The following AR variants were observed in gnomAD, a reference collection of about 807,000 sequenced individuals.
AR encodes androgen receptor.
Under a neutral mutation model 53.9 loss-of-function variants are expected in AR, and 8 were observed. The ratio of observed to expected loss-of-function variants is 0.15; its 90% CI spans 0.09 to 0.27. The LOEUF is 0.27. AR is among the 10% of genes least tolerant of loss of function. The pLI, the probability that AR is intolerant of heterozygous loss-of-function variation, is 1.00. For missense variants in AR, 639 were observed against 742.5 expected, an observed-to-expected ratio of 0.86 and a Z score of 1.62; for synonymous variants, 359 against 316.4, an observed-to-expected ratio of 1.13 and a Z score of -1.43.
At chrX:67,562,356 ATGTGTGTGTGTGTG>A (rs756124629) in intron 1 of AR, among the ~76,000 whole-genome samples, 1 of 95,028 alleles carries the variant, frequency 1.1e-5, no homozygotes, top group Non-Finnish European at 2.1e-5. Context: ...TATGGTGTAT[ATGTGTGTGTGTGTG>A]TGTGTGTGTG....
chrX:67,632,411 G>A (rs749345612), intron 1 of AR, among the ~76,000 whole-genome samples: 10 of 112,176 alleles, frequency 8.9e-5, no homozygotes, highest in South Asian at 7.5e-4. Context: ...TCCAGGTGCC[G>A]TCTGTCACCC....
chrX:67,608,697 A>G (rs1923742486), intron 1 of AR, among the ~76,000 whole-genome samples: 1 of 112,096 alleles, frequency 8.9e-6, no homozygotes, highest in African/African-American at 3.2e-5. Context: ...CAAGTAAAAC[A>G]TATCACTAGT....
rs2147524944 is a variant in AR at position 67,711,595 on chromosome X, C to T, written c.2079C>T (p.Asn693=). The change falls in exon 4 of 8, where the codon AAC becomes AAT. Residue 693 remains asparagine (N), a synonymous_variant. Transcript: ENST00000374690. The stretch of plus-strand genomic sequence containing the variant: ...TAGTGTGTGCTGGACACGACAACAA[C>T]CAGCCCGACTCCTTTGCAGCCTTGC... ...PGVVCAGHDN[N]QPDSFAALLS... The T allele has an allele frequency of 8.3e-7, 1 of 1,211,500 alleles. No homozygotes were observed. Among genetic ancestry groups the T allele is most frequent in the Non-Finnish European group, 1.1e-6 (1 of 895,335 alleles).
intron 1 of AR, among the ~76,000 whole-genome samples, chrX:67,554,725 C>T (rs1352910177): frequency 2.7e-5 from 3 of 110,660 alleles, no homozygotes; most frequent in Middle Eastern, 4.7e-3. Flanking sequence ...CACCTGAGAT[C>T]GGGAGTCCAA....
At chrX:67,669,393 G>T (rs759376990) in intron 2 of AR, among the ~76,000 whole-genome samples, 1 of 111,285 alleles carries the variant, frequency 9.0e-6, no homozygotes, top group Non-Finnish European at 1.9e-5. Context: ...ATTCCATTGT[G>T]GTCAGAGAAG....
chrX:67,718,209 G>A lies in AR; in HGVS notation c.2318+587G>A, dbSNP rs377353673. 5.4e-5 allele frequency among the ~76,000 whole-genome samples: 6 copies of A among 111,546 alleles called. No individual in the cohort carries two copies. The East Asian group carries it at 8.5e-4, about 16-fold the overall frequency. On this transcript the variant is annotated intron_variant, in intron 5 of 7. Coordinates refer to ENST00000374690, the MANE Select transcript of AR (RefSeq NM_000044.6). Reference sequence around the variant, plus strand: ...TGCCTGTTGGAGACAAGATTCAAACGTATGTCCCTGTCGATCTCAGCTCTT... The same window carrying A: ...TGCCTGTTGGAGACAAGATTCAAACATATGTCCCTGTCGATCTCAGCTCTT...
At chrX:67,674,856 T>C (rs1363492901) in intron 2 of AR, among the ~76,000 whole-genome samples, 6 of 111,392 alleles carry the variant, frequency 5.4e-5, no homozygotes, top group Admixed American at 3.8e-4. Flanking sequence ...CCTTCTCCTT[T>C]ACAGAGACTC....
chrX:67,555,930 A>G (rs1366819753), intron 1 of AR, among the ~76,000 whole-genome samples: 2 of 112,582 alleles, frequency 1.8e-5, no homozygotes, highest in African/African-American at 6.5e-5. Context: ...CTACTATGGT[A>G]CTTACTGTTT....
intron 2 of AR, among the ~76,000 whole-genome samples, chrX:67,659,320 A>G (rs1459353319): frequency 9.1e-6 from 1 of 109,813 alleles, no homozygotes; most frequent in Non-Finnish European, 1.9e-5. Flanking sequence ...GCACCCATTA[A>G]CTCATCATTT....
chrX:67,625,481 C>T (rs149633378), intron 1 of AR, among the ~76,000 whole-genome samples: 147 of 111,007 alleles, frequency 1.3e-3, no homozygotes, highest in African/African-American at 4.7e-3. Flanking sequence ...AGTCGGCGTA[C>T]CCATGCTTCC....
chrX:67,587,194 A>T (rs1341218096), intron 1 of AR, among the ~76,000 whole-genome samples: 1 of 112,406 alleles, frequency 8.9e-6, no homozygotes, highest in Non-Finnish European at 1.9e-5. Context: ...TGTTCTGTCT[A>T]CTGGGTCACA....
At chrX:67,594,628 C>T (rs912512464) in intron 1 of AR, among the ~76,000 whole-genome samples, 1 of 111,483 alleles carries the variant, frequency 9.0e-6, no homozygotes, top group Non-Finnish European at 1.9e-5. Context: ...GAGTCCTCTT[C>T]CTACCTACTA....
At chrX:67,571,559 A>G (rs773087498) in intron 1 of AR, among the ~76,000 whole-genome samples, 2 of 111,900 alleles carry the variant, frequency 1.8e-5, no homozygotes, top group Non-Finnish European at 3.8e-5. Flanking sequence ...AAATTAATAC[A>G]GTACTGTGCT....
chrX:67,677,588 C>A (rs1428685806), intron 2 of AR, among the ~76,000 whole-genome samples: 1 of 111,917 alleles, frequency 8.9e-6, no homozygotes, highest in African/African-American at 3.2e-5. Context: ...GTGAATATAG[C>A]CTCTTATAAA....
In AR at chrX:67,544,353, C is replaced by T. The variant is rs1430161092; in HGVS notation, c.-794C>T. The T allele has an allele frequency of 1.0e-5, 1 of 98,473 alleles. No individual in the cohort carries two copies. Among genetic ancestry groups the T allele is most frequent in the African/African-American group, 4.5e-5 (1 of 22,286 alleles). 8.1% of individuals were successfully genotyped at this position (98,473 alleles called of 1,213,427 possible). On this transcript the variant is annotated 5_prime_UTR_variant, in exon 1 of 8. Transcript: ENST00000374690. ...TGTCCTCCTCCTCTCCACCCCGCCTCCCCCCACCCTGCCTTCCCCCCCTCC... is the reference window on the plus strand; with the variant it reads ...TGTCCTCCTCCTCTCCACCCCGCCTTCCCCCACCCTGCCTTCCCCCCCTCC...
Position 67,730,351 on chromosome X carries a change from C to G in AR, c.*6510C>G. The G allele has an allele frequency of 5.7e-6, 1 of 174,861 alleles. No individual in the cohort carries two copies. Among genetic ancestry groups the G allele is most frequent in the East Asian group, 8.1e-5 (1 of 12,347 alleles). 14.4% of individuals were successfully genotyped at this position (174,861 alleles called of 1,213,427 possible). A position where few individuals can be genotyped will look rare whatever the true frequency, so the allele number is the denominator to read the frequency against. ...TGTTCTCTTTTTGTAATCTTGGAATCTTTTGTTGCTCTAAATACAATTAAA... is the reference window on the plus strand; with the variant it reads ...TGTTCTCTTTTTGTAATCTTGGAATGTTTTGTTGCTCTAAATACAATTAAA... On this transcript the variant is annotated 3_prime_UTR_variant, in exon 8 of 8. Coordinates refer to ENST00000374690, the MANE Select transcript of AR (RefSeq NM_000044.6).
chrX:67,544,934 T>C lies in AR; in HGVS notation c.-213T>C. On this transcript the variant is annotated 5_prime_UTR_variant, in exon 1 of 8. Transcript: ENST00000374690. ...ACTGTGAGCCTAGCAGGGCAGATCTTGTCCACCGTGTGTCTTCTTCTGCAC... is the reference window on the plus strand; with the variant it reads ...ACTGTGAGCCTAGCAGGGCAGATCTCGTCCACCGTGTGTCTTCTTCTGCAC... 2.3e-6 allele frequency: 1 copy of C among 432,599 alleles called. No homozygotes were observed. Among genetic ancestry groups the C allele is most frequent in the Non-Finnish European group, 3.8e-6 (1 of 260,208 alleles). 35.7% of individuals were successfully genotyped at this position (432,599 alleles called of 1,213,427 possible). A position where few individuals can be genotyped will look rare whatever the true frequency, so the allele number is the denominator to read the frequency against.
chrX:67,580,221 G>A (rs1922232210), intron 1 of AR, among the ~76,000 whole-genome samples: 1 of 109,525 alleles, frequency 9.1e-6, no homozygotes, highest in Non-Finnish European at 1.9e-5. Flanking sequence ...CCCTGACAGA[G>A]ATTTCTGACC....
At chrX:67,552,217 C>A (rs1466203441) in intron 1 of AR, among the ~76,000 whole-genome samples, 2 of 112,076 alleles carry the variant, frequency 1.8e-5, no homozygotes, top group Admixed American at 9.4e-5. Flanking sequence ...AACCAATAAT[C>A]TACTTCTATC....
Sources: gnomAD v4.1 joint callset for allele counts (sites outside exome capture counted in the v4.1 genomes callset) on GRCh38, gnomAD v4.1.1 for gene constraint, MANE v1.5 for transcripts, NCBI Gene and HGNC (gene_info 2026-07-23, HGNC 2026-07-21) for gene names.